Variants in MFAP1 observed in about 807,000 individuals in gnomAD.
MFAP1 encodes microfibril associated protein 1.
Under a neutral mutation model 62.2 loss-of-function variants are expected in MFAP1, and 18 were observed. The ratio of observed to expected loss-of-function variants is 0.29; its 90% CI spans 0.20 to 0.43. MFAP1 has a LOEUF of 0.43. Among genes scored for constraint, MFAP1 ranks in the 20% least tolerant of loss-of-function variants. The probability of loss-of-function intolerance (pLI) is 1.00; values close to 1 mark genes in which losing one functional copy is unlikely to be tolerated. For missense variants in MFAP1, 355 were observed against 559.7 expected (o/e 0.63, Z 3.69); for synonymous variants, 175 against 180.4 (o/e 0.97, Z 0.24).
In MFAP1 at chr15:43,824,536, G is replaced by A. The variant is rs1320702652; in HGVS notation, c.34C>T (p.Pro12Ser). The A allele has an allele frequency of 3.7e-6, 6 of 1,614,164 alleles. No individual in the cohort carries two copies. Among genetic ancestry groups the A allele is most frequent in the Non-Finnish European group, 4.2e-6 (5 of 1,180,040 alleles). ...SVPSALMKQP[P>S]IQSTAGAVPV... The stretch of plus-strand genomic sequence containing the variant: ...ACGGCCCCAGCCGTAGACTGAATGG[G>A]CGGTTGCTTCATGAGAGCGCTTGGG... The change falls in exon 1 of 9, where the codon CCC becomes TCC. Residue 12 changes from proline (P) to serine (S), a missense_variant. Physicochemically the swap from Pro to Ser is moderately conservative, Grantham distance 74. Around this residue, in one of 6 missense-constraint regions of MFAP1, gnomAD observed 29 missense variants for 46.0 expected, o/e 0.63. Transcript: ENST00000267812.
chr15:43,822,761 G>C (rs941041872), intron 1 of MFAP1, among the ~76,000 whole-genome samples: 15 of 152,138 alleles, frequency 9.9e-5, no homozygotes, highest in African/African-American at 3.4e-4. Flanking sequence ...GAACTTTCGA[G>C]CATAAGTGAT....
chr15:43,813,046 A>G lies in MFAP1; in HGVS notation c.828T>C (p.Tyr276=), dbSNP rs199924008. 1.9e-5 allele frequency: 31 copies of G among 1,613,992 alleles called. No individual in the cohort carries two copies. In the Admixed American group the frequency reaches 4.3e-4, roughly 23 times the overall value. The change falls in exon 6 of 9, where the codon TAT becomes TAC. Residue 276 remains tyrosine (Y), a synonymous_variant. Transcript: ENST00000267812. ...TTAGCTCTCGAACTTTCCATGCCTC[A>G]TATTCCTCCTCATCATTTTCATCAT... ...NTDDENDEEE[Y]EAWKVRELKR...
chr15:43,823,824 C>T (rs2087482199), intron 1 of MFAP1, among the ~76,000 whole-genome samples: 1 of 152,042 alleles, frequency 6.6e-6, no homozygotes, highest in African/African-American at 2.4e-5. Context: ...TCTCAAAAGC[C>T]ATGTTGAGAC....
intron 4 of MFAP1, 60 bp from the exon 5 acceptor site, chr15:43,813,417 C>A: frequency 6.7e-7 from 1 of 1,497,008 alleles, no homozygotes; most frequent in South Asian, 1.3e-5. Flanking sequence ...CTTTGTTCCC[C>A]TAGACCTAGT....
At chr15:43,811,358 G>A (rs2087399442) in intron 6 of MFAP1, among the ~76,000 whole-genome samples, 1 of 148,236 alleles carries the variant, frequency 6.7e-6, no homozygotes, top group Admixed American at 6.7e-5. Context: ...GGAGGTTGTA[G>A]TGAGCCAAGA....
chr15:43,814,745 C>T, intron 3 of MFAP1, 57 bp from the exon 4 acceptor site: 2 of 1,566,708 alleles, frequency 1.3e-6, no homozygotes, highest in South Asian at 2.3e-5. Flanking sequence ...TTTTGTTCGT[C>T]TCATCAAACA....
At chr15:43,823,855 C>T (rs28636829) in intron 1 of MFAP1, among the ~76,000 whole-genome samples, 25,216 of 152,066 alleles carry the variant, frequency 0.17, 2,852 homozygotes, top group African/African-American at 0.31. Context: ...GGCATCTACT[C>T]GGGAGGCTGA....
chr15:43,817,954 T>C (rs1425771408), intron 1 of MFAP1, among the ~76,000 whole-genome samples: 2 of 152,152 alleles, frequency 1.3e-5, no homozygotes, highest in Non-Finnish European at 1.5e-5. Context: ...ATTTCTACCT[T>C]CTTTTCCTTT....
At chr15:43,810,524 G>T (rs2087392304) in intron 6 of MFAP1, among the ~76,000 whole-genome samples, 1 of 151,902 alleles carries the variant, frequency 6.6e-6, no homozygotes, top group Admixed American at 6.6e-5. Context: ...CCGCCACCAT[G>T]CCCAGCTAAT....
intron 1 of MFAP1, among the ~76,000 whole-genome samples, chr15:43,819,604 C>T (rs535983512): frequency 1.6e-4 from 24 of 152,244 alleles, no homozygotes; most frequent in African/African-American, 5.5e-4. Context: ...GATCTCCGCT[C>T]ACTGCAACCT....
chr15:43,820,691 A>G (rs1186868667), intron 1 of MFAP1, among the ~76,000 whole-genome samples: 1 of 152,164 alleles, frequency 6.6e-6, no homozygotes, highest in Non-Finnish European at 1.5e-5. Context: ...CCGCAGCGTC[A>G]GCCTCCTAGG....
chr15:43,810,405 C>A (rs1479455675), intron 6 of MFAP1, among the ~76,000 whole-genome samples: 2 of 147,516 alleles, frequency 1.4e-5, no homozygotes, highest in South Asian at 4.3e-4. Context: ...CTTGCTCTGT[C>A]GCCCAGGCTG....
Position 43,805,293 on chromosome 15 carries a change from T to A in MFAP1, c.1138-17A>T. On this transcript the variant is annotated splice_polypyrimidine_tract_variant and intron_variant, in intron 8 of 8. Coordinates refer to ENST00000267812, the MANE Select transcript of MFAP1 (RefSeq NM_005926.3). ...GTTCTTGACCTGAGGGAAGGATGGA[T>A]GATGAGTTATACCACCAAACAAACC... is the stretch of plus-strand genomic sequence containing the variant. The A allele has an allele frequency of 1.9e-6, 3 of 1,595,832 alleles. No homozygotes were observed. Among genetic ancestry groups the A allele is most frequent in the Non-Finnish European group, 2.6e-6 (3 of 1,167,256 alleles).
At chr15:43,816,799 A>G (rs12440573) in intron 2 of MFAP1, among the ~76,000 whole-genome samples, 23,422 of 152,122 alleles carry the variant, frequency 0.15, 2,322 homozygotes, top group African/African-American at 0.27. Flanking sequence ...AGACCTTTAT[A>G]AGGTCTTTTC....
intron 6 of MFAP1, among the ~76,000 whole-genome samples, chr15:43,812,333 C>T (rs1050137674): frequency 2.0e-5 from 3 of 152,138 alleles, no homozygotes; most frequent in African/African-American, 7.2e-5. Context: ...GTTTCTCCAC[C>T]TGCTTAAAGC....
chr15:43,818,525 A>AAC lies in MFAP1; in HGVS notation c.80-1078_80-1077insGT, dbSNP rs1555460053. 4.0e-5 allele frequency among the ~76,000 whole-genome samples: 6 copies of AAC among 150,700 alleles called. No individual in the cohort carries two copies. The South Asian group carries it at 1.3e-3, about 32-fold the overall frequency. ...CTACCAAAAAAAAAAAAAGAAACAAAAAAAAAAAACCCCTAGACCAACACA... is the reference window on the plus strand; with the variant it reads ...CTACCAAAAAAAAAAAAAGAAACAAAACAAAAAAAAACCCCTAGACCAACACA... On this transcript the variant is annotated intron_variant, in intron 1 of 8. Coordinates refer to ENST00000267812, the MANE Select transcript of MFAP1 (RefSeq NM_005926.3).
intron 4 of MFAP1, 152 bp from the exon 5 acceptor site, chr15:43,813,509 T>A: frequency 1.7e-3 from 16 of 9,596 alleles, no homozygotes; most frequent in East Asian, 0.17. Context: ...ATCCCAGGTC[T>A]TTTTTTTTTT....
At chr15:43,811,552 G>C (rs190359886) in intron 6 of MFAP1, among the ~76,000 whole-genome samples, 25 of 148,942 alleles carry the variant, frequency 1.7e-4, no homozygotes, top group Non-Finnish European at 8.9e-5. Flanking sequence ...CTGTCACCTA[G>C]GCTGGAGTGC....
intron 1 of MFAP1, among the ~76,000 whole-genome samples, chr15:43,818,113 G>A (rs987427527): frequency 6.0e-5 from 9 of 149,866 alleles, no homozygotes; most frequent in Admixed American, 1.4e-4. Context: ...TCCGCCTCCC[G>A]GGTTCAAGTG....
Sources: allele counts gnomAD v4.1 joint callset (sites outside exome capture counted in the v4.1 genomes callset), GRCh38; gene constraint gnomAD v4.1.1; regional missense constraint gnomAD v4.1.1; transcripts MANE v1.5; gene names NCBI Gene and HGNC (gene_info 2026-07-23, HGNC 2026-07-21).